Variants in RO60 observed in about 807,000 individuals in gnomAD.
RO60 encodes the protein Ro60, Y RNA binding protein, also known as RNA-binding protein RO60.
A neutral mutation model predicts 55.3 loss-of-function variants in RO60; 20 were observed. The observed-to-expected ratio is 0.36, with a 90% CI of 0.25 to 0.53. The LOEUF is 0.53. RO60 is among the 20% of genes least tolerant of loss of function. The pLI, the probability that RO60 is intolerant of heterozygous loss-of-function variation, is 0.92. For missense variants in RO60, 558 were observed against 646.6 expected, an observed-to-expected ratio of 0.86 and a Z score of 1.49; for synonymous variants, 213 against 213.6, an observed-to-expected ratio of 1.00 and a Z score of 0.02.
Position 193,069,100 on chromosome 1 carries a change from A to T in RO60, c.46A>T (p.Ile16Leu). 1 of 1,614,062 alleles carries T rather than the reference A, an allele frequency of 6.2e-7. No homozygotes were observed. Among genetic ancestry groups the T allele is most frequent in the Non-Finnish European group, 8.5e-7 (1 of 1,179,926 alleles). Residue 16 changes from isoleucine to leucine, a missense_variant, in exon 2 of 9, where the codon ATA becomes TTA. Coordinates refer to ENST00000400968, the MANE Select transcript of RO60 (RefSeq NM_001173524.2). ...NQMQPLNEKQIANSQDGYVWQ... is the reference protein window; with the variant it reads ...NQMQPLNEKQLANSQDGYVWQ... ...AATGCAGCCACTGAATGAGAAGCAGATAGCCAATTCTCAGGATGGATATGT... is the reference window on the plus strand; with the variant it reads ...AATGCAGCCACTGAATGAGAAGCAGTTAGCCAATTCTCAGGATGGATATGT...
At chr1:193,082,766 T>G (rs1674402448) in intron 8 of RO60, 58 bp downstream of exon 8, 5 of 1,106,750 alleles carry the variant, frequency 4.5e-6, no homozygotes, top group Non-Finnish European at 6.0e-6. Flanking sequence ...ATACTTGATT[T>G]TTTTTTTTTT....
rs1287088800 is a variant in RO60 at position 193,086,792 on chromosome 1, G to C, written c.*2061G>C. The C allele has an allele frequency of 3.9e-5, 6 of 152,096 alleles. No individual in the cohort carries two copies. The highest frequency in any genetic ancestry group is 1.4e-4 in the African/African-American group (6 of 41,418). The allele number at this position is 152,096 out of a possible 1,614,324, so 9.4% of individuals were successfully genotyped here. Reference sequence around the variant, plus strand: ...GTATTTAGGTAGGTCTAATTAAATGGACTAGGGTAACATTTAAGAAAGAAA... The same window carrying C: ...GTATTTAGGTAGGTCTAATTAAATGCACTAGGGTAACATTTAAGAAAGAAA... On this transcript the variant is annotated 3_prime_UTR_variant, in exon 9 of 9. Transcript: ENST00000400968.
intron 5 of RO60, among the ~76,000 whole-genome samples, chr1:193,079,864 C>T (rs1374623218): frequency 6.6e-6 from 1 of 151,722 alleles, no homozygotes; most frequent in Non-Finnish European, 1.5e-5. Flanking sequence ...CAGTGGCTCA[C>T]GCCTGTAATC....
At chr1:193,082,732 C>T (rs762485185) in intron 8 of RO60, 24 bp downstream of exon 8, 1 of 1,566,264 alleles carries the variant, frequency 6.4e-7, no homozygotes, top group Middle Eastern at 1.7e-4. Flanking sequence ...TAATACGGTT[C>T]CTCACCCAAA....
Position 193,088,636 on chromosome 1 carries a change from A to G in RO60, c.*3905A>G, listed in dbSNP as rs1558260111. The G allele has an allele frequency of 6.6e-6, 1 of 152,216 alleles. No homozygotes were observed. The allele number at this position is 152,216 out of a possible 1,614,324, so 9.4% of individuals were successfully genotyped here. A position where few individuals can be genotyped will look rare whatever the true frequency, so the allele number is the denominator to read the frequency against. ...CTGATGCTATTACAGTAGGTAATCA[A>G]AAATGAAAAATTCTAGTCTTATATA... On this transcript the variant is annotated 3_prime_UTR_variant, in exon 9 of 9. Transcript: ENST00000400968.
chr1:193,059,902 C>T lies in RO60; in HGVS notation c.-22+126C>T. 7.3e-7 allele frequency: 1 copy of T among 1,365,858 alleles called. No homozygotes were observed. Among genetic ancestry groups the T allele is most frequent in the Non-Finnish European group, 9.8e-7 (1 of 1,021,592 alleles). 84.6% of individuals were successfully genotyped at this position (1,365,858 alleles called of 1,614,324 possible). Reference sequence around the variant, plus strand: ...TTGAGGCTGGGCAAACGCCGCGAAACTATCGCTCTTCCCCGTCCCGCTTCC... The same window carrying T: ...TTGAGGCTGGGCAAACGCCGCGAAATTATCGCTCTTCCCCGTCCCGCTTCC... On this transcript the variant is annotated intron_variant, in intron 1 of 8. Transcript: ENST00000400968. This position sits in a 1 kb window ranked among gnomAD's most constrained non-coding sequence, Gnocchi z 4.9.
rs1325416391 is a variant in RO60, at chr1:193,086,558, T to C, written c.*1827T>C. On this transcript the variant is annotated 3_prime_UTR_variant, in exon 9 of 9. Coordinates refer to ENST00000400968, the MANE Select transcript of RO60 (RefSeq NM_001173524.2). ...TAAAGAAACTAATAGAATTACGTAA[T>C]AGTTATTGAATTGTTTAAGTAAACC... 4 of 152,172 alleles carry C rather than the reference T, an allele frequency of 2.6e-5. No homozygotes were observed. Among genetic ancestry groups the C allele is most frequent in the Non-Finnish European group, 4.4e-5 (3 of 67,996 alleles). 9.4% of individuals were successfully genotyped at this position (152,172 alleles called of 1,614,324 possible). A position where few individuals can be genotyped will look rare whatever the true frequency, so the allele number is the denominator to read the frequency against.
chr1:193,077,145 T>A, intron 5 of RO60, 95 bp downstream of exon 5: 3 of 1,230,088 alleles, frequency 2.4e-6, no homozygotes, highest in Non-Finnish European at 3.3e-6. Context: ...GTTTAATCAT[T>A]TTTTAATTAG....
intron 1 of RO60, among the ~76,000 whole-genome samples, chr1:193,063,684 G>A (rs1672930952): frequency 6.6e-6 from 1 of 152,118 alleles, no homozygotes; most frequent in African/African-American, 2.4e-5. Flanking sequence ...AGCTGCCCAG[G>A]GTTGGCATCA....
In RO60 at chr1:193,076,524, A is replaced by G. The variant is rs1300153172; in HGVS notation, c.825A>G (p.Glu275=). The G allele has an allele frequency of 1.9e-6, 3 of 1,611,308 alleles. No individual in the cohort carries two copies. Among genetic ancestry groups the G allele is most frequent in the Non-Finnish European group, 2.5e-6 (3 of 1,179,072 alleles). The change falls in exon 4 of 9, where the codon GAA becomes GAG. Residue 275 remains glutamate, a synonymous_variant. Coordinates refer to ENST00000400968, the MANE Select transcript of RO60 (RefSeq NM_001173524.2). The part of the protein sequence containing the change: ...SKEVWKALLQ[E]MPLTALLRNL... The stretch of plus-strand genomic sequence containing the variant: ...AGGTATGGAAGGCTTTGTTACAAGA[A>G]ATGCCGCTTACTGCATTACTAAGGA...
At chr1:193,082,387 C>A in intron 7 of RO60, 88 bp downstream of exon 7, 1 of 1,341,082 alleles carries the variant, frequency 7.5e-7, no homozygotes, top group East Asian at 2.3e-5. Context: ...TGGTATTAAT[C>A]TGTGAGAACA....
chr1:193,076,406 C>T, intron 3 of RO60, 95 bp from the exon 4 acceptor site: 1 of 1,339,026 alleles, frequency 7.5e-7, no homozygotes, highest in South Asian at 1.4e-5. Context: ...ATGAAAGCCT[C>T]AGAGACTGTA....
chr1:193,082,763 A>ATTT, intron 8 of RO60, 55 bp downstream of exon 8: 329 of 1,148,532 alleles, frequency 2.9e-4, no homozygotes, highest in Middle Eastern at 9.0e-4. Flanking sequence ...TTAATACTTG[A>ATTT]TTTTTTTTTT....
intron 1 of RO60, chr1:193,060,304 T>C: frequency 3.1e-6 from 1 of 322,756 alleles, no homozygotes; most frequent in South Asian, 2.7e-5. Context: ...ATGTCGTGTA[T>C]TAATCTAAAA....
At chr1:193,075,148 G>A (rs1040227300) in intron 2 of RO60, among the ~76,000 whole-genome samples, 4 of 152,068 alleles carry the variant, frequency 2.6e-5, no homozygotes, top group African/African-American at 9.7e-5. Context: ...TTACAGAAGT[G>A]GTGAAACTAA....
At chr1:193,076,735 G>C (rs1673948098) in intron 4 of RO60, 88 bp downstream of exon 4, 2 of 1,410,328 alleles carry the variant, frequency 1.4e-6, no homozygotes, top group African/African-American at 2.9e-5. Flanking sequence ...CATTTTTAAG[G>C]TATTTCGAGA....
intron 1 of RO60, among the ~76,000 whole-genome samples, chr1:193,068,578 C>G (rs1179412950): frequency 1.3e-5 from 2 of 152,176 alleles, no homozygotes; most frequent in Non-Finnish European, 2.9e-5. Flanking sequence ...TATTGCTGCC[C>G]TCCCTTCTTT....
chr1:193,073,463 G>T (rs941895393), intron 2 of RO60, among the ~76,000 whole-genome samples: 17 of 152,016 alleles, frequency 1.1e-4, no homozygotes, highest in Admixed American at 3.9e-4. Flanking sequence ...TTGAAAGTAA[G>T]TTTTTTTTCT....
At chr1:193,061,076 A>G (rs1370024975) in intron 1 of RO60, among the ~76,000 whole-genome samples, 1 of 152,244 alleles carries the variant, frequency 6.6e-6, no homozygotes, top group Non-Finnish European at 1.5e-5. Flanking sequence ...GGGGGTTAAG[A>G]TGCCTTTCAT....
Sources: allele counts gnomAD v4.1 joint callset (sites outside exome capture counted in the v4.1 genomes callset), GRCh38; gene constraint gnomAD v4.1.1; non-coding constraint Gnocchi (gnomAD v3.1); transcripts MANE v1.5; gene names NCBI Gene and HGNC (gene_info 2026-07-23, HGNC 2026-07-21).